Variants in KCNQ3 observed in about 807,000 individuals in gnomAD.
The protein encoded by KCNQ3 is potassium voltage-gated channel subfamily Q member 3.
In KCNQ3, 30 loss-of-function variants were observed where a neutral mutation model predicts 92.5. That is an observed-to-expected ratio of 0.32 (90% CI 0.24 to 0.44). The LOEUF (loss-of-function observed/expected upper bound fraction) is 0.44, where lower values mean the gene tolerates loss of function less well. Ranked by LOEUF, KCNQ3 falls within the 20% of genes least tolerant of loss-of-function variation. The pLI, the probability that KCNQ3 is intolerant of heterozygous loss-of-function variation, is 1.00. For missense variants in KCNQ3, 913 were observed against 1,140.3 expected (o/e 0.80, Z 2.87); for synonymous variants, 450 against 468.8 (o/e 0.96, Z 0.52).
chr8:132,377,514 G>A (rs971034546), intron 1 of KCNQ3, among the ~76,000 whole-genome samples: 19 of 152,194 alleles, frequency 1.2e-4, no homozygotes, highest in Non-Finnish European at 1.9e-4. Context: ...GGAGGATGAG[G>A]CTGGGTCAGG....
At chr8:132,305,328 A>G (rs1256461699) in intron 1 of KCNQ3, among the ~76,000 whole-genome samples, 1 of 152,192 alleles carries the variant, frequency 6.6e-6, no homozygotes, top group Non-Finnish European at 1.5e-5. Context: ...CTCCACAGAT[A>G]AGACCACTGA....
At chr8:132,243,211 G>T (rs1361085862) in intron 1 of KCNQ3, among the ~76,000 whole-genome samples, 1 of 152,222 alleles carries the variant, frequency 6.6e-6, no homozygotes, top group East Asian at 1.9e-4. Flanking sequence ...TGAGCAACTG[G>T]AGGCTTACAA....
At chr8:132,405,307 C>G (rs1398581287) in intron 1 of KCNQ3, among the ~76,000 whole-genome samples, 2 of 152,190 alleles carry the variant, frequency 1.3e-5, no homozygotes, top group Non-Finnish European at 2.9e-5. Flanking sequence ...AGAGTTTTCC[C>G]ACGGCATAAA....
chr8:132,319,321 C>G (rs1817833483), intron 1 of KCNQ3, among the ~76,000 whole-genome samples: 2 of 152,104 alleles, frequency 1.3e-5, no homozygotes, highest in African/African-American at 2.4e-5. Flanking sequence ...CTAGGTTTGT[C>G]TAATTTTTTG....
intron 1 of KCNQ3, among the ~76,000 whole-genome samples, chr8:132,313,383 A>G (rs917572614): frequency 6.6e-6 from 1 of 152,246 alleles, no homozygotes; most frequent in African/African-American, 2.4e-5. Flanking sequence ...GTATGATAAA[A>G]GGCAAATATC....
At chr8:132,451,335 A>G (rs1821816744) in intron 1 of KCNQ3, among the ~76,000 whole-genome samples, 1 of 152,216 alleles carries the variant, frequency 6.6e-6, no homozygotes, top group Non-Finnish European at 1.5e-5. Context: ...ACCCAGTCTC[A>G]GCTATGTCTT....
Position 132,401,901 on chromosome 8 carries a change from G to A in KCNQ3, c.386+78246C>T, listed in dbSNP as rs182920609. 1.3e-3 allele frequency among the ~76,000 whole-genome samples: 202 copies of A among 152,298 alleles called. 1 individual carries two copies. Among genetic ancestry groups the A allele is most frequent in the Middle Eastern group, 6.8e-3 (2 of 294 alleles). On this transcript the variant is annotated intron_variant, in intron 1 of 14. Transcript: ENST00000388996. Reference sequence around the variant, plus strand: ...TTGGCCAGTAGAACCTGAGGAAGGGGCTGGGAGAACCTAGAGTCTGGAACT... The same window carrying A: ...TTGGCCAGTAGAACCTGAGGAAGGGACTGGGAGAACCTAGAGTCTGGAACT...
chr8:132,186,329 C>G (rs573834857), intron 1 of KCNQ3, 148 bp from the exon 2 acceptor site: 2 of 678,238 alleles, frequency 2.9e-6, no homozygotes, highest in African/African-American at 3.5e-5. Flanking sequence ...TCAATCTTCA[C>G]GACAAACCTG....
intron 1 of KCNQ3, among the ~76,000 whole-genome samples, chr8:132,237,387 A>T (rs558909859): frequency 7.2e-5 from 11 of 152,194 alleles, no homozygotes; most frequent in Non-Finnish European, 1.5e-4. Flanking sequence ...TCATACCAAC[A>T]TTTACAAGAC....
chr8:132,311,150 G>A (rs529851682), intron 1 of KCNQ3, among the ~76,000 whole-genome samples: 2 of 152,154 alleles, frequency 1.3e-5, no homozygotes, highest in Admixed American at 1.3e-4. Context: ...GGATGGTCTC[G>A]ATCTCCTGAC....
intron 1 of KCNQ3, among the ~76,000 whole-genome samples, chr8:132,428,517 G>A (rs904920061): frequency 1.3e-5 from 2 of 152,138 alleles, no homozygotes; most frequent in African/African-American, 4.8e-5. Flanking sequence ...CAGAACCCAG[G>A]AGAAAATTCA....
intron 1 of KCNQ3, among the ~76,000 whole-genome samples, chr8:132,380,119 C>A (rs1819706597): frequency 6.6e-6 from 1 of 152,122 alleles, no homozygotes; most frequent in African/African-American, 2.4e-5. Context: ...AATATTAGCC[C>A]ATTGCCTCAT....
intron 1 of KCNQ3, among the ~76,000 whole-genome samples, chr8:132,468,657 T>G (rs962663990): frequency 6.6e-6 from 1 of 152,220 alleles, no homozygotes; most frequent in African/African-American, 2.4e-5. Flanking sequence ...CATTAGTTAT[T>G]ACTAATATGC....
chr8:132,398,985 T>C (rs893400403), intron 1 of KCNQ3, among the ~76,000 whole-genome samples: 7 of 152,150 alleles, frequency 4.6e-5, no homozygotes, highest in African/African-American at 1.7e-4. Flanking sequence ...TGCTTGCATG[T>C]ACCTAAGACA....
chr8:132,141,788 C>A (rs1295211624), intron 9 of KCNQ3, among the ~76,000 whole-genome samples: 1 of 152,186 alleles, frequency 6.6e-6, no homozygotes, highest in African/African-American at 2.4e-5. Flanking sequence ...TGACGTAAAG[C>A]AGCACTCTTA....
intron 1 of KCNQ3, among the ~76,000 whole-genome samples, chr8:132,455,289 T>G (rs557116415): frequency 6.6e-6 from 1 of 152,278 alleles, no homozygotes; most frequent in African/African-American, 2.4e-5. Context: ...GTATACTTAG[T>G]AGAGACAGGG....
At chr8:132,333,151 C>T (rs552271459) in intron 1 of KCNQ3, among the ~76,000 whole-genome samples, 86 of 152,250 alleles carry the variant, frequency 5.6e-4, no homozygotes, top group African/African-American at 2.0e-3. Context: ...GGTATGTGCA[C>T]TTTGTAAGGA....
intron 1 of KCNQ3, among the ~76,000 whole-genome samples, chr8:132,373,206 C>A (rs1049133723): frequency 3.3e-5 from 5 of 152,018 alleles, no homozygotes; most frequent in Admixed American, 6.6e-5. Context: ...CAGCCACCTG[C>A]GGTCTGAACA....
At position 132,286,027 on chromosome 8, in the gene KCNQ3, T is replaced by C. The variant is rs75873822; in HGVS notation, c.387-99846A>G. ...GCAGGTGTGCAGAATGTAAGAGTTATGGAAGCATGGCTTTCTCTACCTAGA... is the reference window on the plus strand; with the variant it reads ...GCAGGTGTGCAGAATGTAAGAGTTACGGAAGCATGGCTTTCTCTACCTAGA... On this transcript the variant is annotated intron_variant, in intron 1 of 14. Transcript: ENST00000388996. 5.0e-3 allele frequency among the ~76,000 whole-genome samples: 758 copies of C among 152,292 alleles called. 5 individuals are homozygous for C. Among genetic ancestry groups the C allele is most frequent in the African/African-American group, 0.017 (688 of 41,552 alleles).
Sources: allele counts gnomAD v4.1 joint callset (sites outside exome capture counted in the v4.1 genomes callset), GRCh38; gene constraint gnomAD v4.1.1; transcripts MANE v1.5; gene names NCBI Gene and HGNC (gene_info 2026-07-23, HGNC 2026-07-21).